The following CTNND2 variants were observed in gnomAD, a reference collection of about 807,000 sequenced individuals.
CTNND2 encodes the protein catenin delta-2.
Under a neutral mutation model 144.4 loss-of-function variants are expected in CTNND2, and 22 were observed. That is an observed-to-expected ratio of 0.15 (90% CI 0.11 to 0.22). The LOEUF is 0.22. Among genes scored for constraint, CTNND2 ranks in the 10% least tolerant of loss-of-function variants. The probability of loss-of-function intolerance (pLI) is 1.00; values close to 1 mark genes in which losing one functional copy is unlikely to be tolerated. For synonymous variants in CTNND2, 751 were observed against 695.6 expected (o/e 1.08, Z -1.25); for missense variants, 1,353 against 1,618.8 (o/e 0.84, Z 2.82).
chr5:11,867,978 C>T (rs1419627158), intron 1 of CTNND2, among the ~76,000 whole-genome samples: 1 of 151,778 alleles, frequency 6.6e-6, no homozygotes, highest in African/African-American at 2.4e-5. Context: ...CCCTACACTT[C>T]ACCTCAGTGC....
At position 11,763,064 on chromosome 5, in the gene CTNND2, T is replaced by A. The variant is rs1167780656; in HGVS notation, c.38-30792A>T. On this transcript the variant is annotated intron_variant, in intron 1 of 21. Coordinates refer to ENST00000304623, the MANE Select transcript of CTNND2 (RefSeq NM_001332.4). ...CTGTTCTCATGACAGTGAGTTCTCA[T>A]GAGACCTGGTTGTTTAAAAATGTGT... Among the ~76,000 whole-genome samples the A allele has an allele frequency of 6.6e-5, 10 of 152,252 alleles. No individual in the cohort carries two copies. In the East Asian group the frequency reaches 1.7e-3, roughly 27 times the overall value.
At chr5:10,987,663 T>G (rs1375802623) in intron 20 of CTNND2, among the ~76,000 whole-genome samples, 1 of 13,190 alleles carries the variant, frequency 7.6e-5, no homozygotes, top group African/African-American at 2.9e-4. Flanking sequence ...CCCTCCCCAC[T>G]CCCCTCTCCT....
chr5:11,496,925 G>T (rs1336990596), intron 3 of CTNND2, among the ~76,000 whole-genome samples: 3 of 152,156 alleles, frequency 2.0e-5, no homozygotes, highest in Non-Finnish European at 4.4e-5. Context: ...AAGAGAGCCA[G>T]CCCCTCCTGA....
At chr5:11,033,640 C>A (rs1280301799) in intron 16 of CTNND2, among the ~76,000 whole-genome samples, 1 of 151,984 alleles carries the variant, frequency 6.6e-6, no homozygotes, top group African/African-American at 2.4e-5. Context: ...ACCAGCTTGG[C>A]CAACATGGTG....
intron 9 of CTNND2, among the ~76,000 whole-genome samples, chr5:11,338,380 C>A (rs1435013821): frequency 6.9e-6 from 1 of 144,584 alleles, no homozygotes; most frequent in African/African-American, 2.6e-5. Context: ...GGGTTGTCAG[C>A]TCTTGGGCCA....
chr5:11,330,206 T>C (rs1368103875), intron 9 of CTNND2, among the ~76,000 whole-genome samples: 1 of 151,004 alleles, frequency 6.6e-6, no homozygotes, highest in Non-Finnish European at 1.5e-5. Context: ...GCACGGTGGC[T>C]CACACCTGTA....
intron 1 of CTNND2, among the ~76,000 whole-genome samples, chr5:11,811,699 A>G (rs1174452640): frequency 1.3e-5 from 2 of 152,106 alleles, no homozygotes; most frequent in Non-Finnish European, 2.9e-5. Context: ...CAGAACAACT[A>G]TACATGAAGT....
intron 16 of CTNND2, among the ~76,000 whole-genome samples, chr5:11,060,049 T>A (rs1220692471): frequency 6.6e-6 from 1 of 152,184 alleles, no homozygotes; most frequent in Non-Finnish European, 1.5e-5. Flanking sequence ...GATTTATAAC[T>A]TCTGGGAGCA....
intron 16 of CTNND2, among the ~76,000 whole-genome samples, chr5:11,033,844 A>G (rs1226485800): frequency 1.3e-5 from 2 of 152,160 alleles, no homozygotes; most frequent in Non-Finnish European, 2.9e-5. Flanking sequence ...AACAGCAACA[A>G]CAACAACAAC....
chr5:11,548,918 T>G (rs551117034), intron 3 of CTNND2, among the ~76,000 whole-genome samples: 18 of 152,368 alleles, frequency 1.2e-4, no homozygotes, highest in South Asian at 4.1e-4. Context: ...TCCTCTGGAA[T>G]GCTAGTTCAT....
chr5:11,350,608 T>C (rs1459053214), intron 8 of CTNND2, among the ~76,000 whole-genome samples: 3 of 152,138 alleles, frequency 2.0e-5, no homozygotes, highest in Non-Finnish European at 2.9e-5. Flanking sequence ...ATAAAACAGC[T>C]GATGAAAATT....
intron 1 of CTNND2, among the ~76,000 whole-genome samples, chr5:11,871,992 T>A (rs112908389): frequency 2.0e-5 from 3 of 152,130 alleles, no homozygotes; most frequent in African/African-American, 7.2e-5. Flanking sequence ...CATCAACCTG[T>A]CATCTACATT....
chr5:11,611,607 G>A (rs998636187), intron 2 of CTNND2, among the ~76,000 whole-genome samples: 1 of 151,926 alleles, frequency 6.6e-6, no homozygotes. Flanking sequence ...GTGAAACCCC[G>A]ACTCTAATAC....
chr5:11,328,289 C>CTTTT (rs747493685), intron 9 of CTNND2, among the ~76,000 whole-genome samples: 1 of 135,800 alleles, frequency 7.4e-6, no homozygotes, highest in South Asian at 2.4e-4. Flanking sequence ...ACACAAAATT[C>CTTTT]TTTTTTTTTT....
At chr5:11,781,490 C>CT (rs2126848892) in intron 1 of CTNND2, among the ~76,000 whole-genome samples, 1 of 152,216 alleles carries the variant, frequency 6.6e-6, no homozygotes, top group African/African-American at 2.4e-5. Flanking sequence ...CTGACTTTTG[C>CT]TTTTTATTGC....
At chr5:11,309,702 G>C (rs112476314) in intron 9 of CTNND2, among the ~76,000 whole-genome samples, 262 of 152,268 alleles carry the variant, frequency 1.7e-3, no homozygotes, top group African/African-American at 6.0e-3. Context: ...ATGTGAGAAG[G>C]ACATGAGATT....
intron 1 of CTNND2, among the ~76,000 whole-genome samples, chr5:11,804,202 A>G (rs1791870452): frequency 6.6e-6 from 1 of 152,198 alleles, no homozygotes; most frequent in Admixed American, 6.5e-5. Flanking sequence ...TGACAGTAAC[A>G]GTTACTGTCG....
chr5:11,765,393 C>G (rs945585242), intron 1 of CTNND2, among the ~76,000 whole-genome samples: 1 of 152,026 alleles, frequency 6.6e-6, no homozygotes, highest in African/African-American at 2.4e-5. Context: ...CAGCAAGGTT[C>G]CAGGCTGCCA....
chr5:11,586,097 G>C (rs1385063471), intron 2 of CTNND2, among the ~76,000 whole-genome samples: 1 of 152,060 alleles, frequency 6.6e-6, no homozygotes, highest in Admixed American at 6.6e-5. Flanking sequence ...ATTTTCATAG[G>C]ATTCCTTTGC....
Sources: gnomAD v4.1 joint callset for allele counts (sites outside exome capture counted in the v4.1 genomes callset) on GRCh38, gnomAD v4.1.1 for gene constraint, MANE v1.5 for transcripts, NCBI Gene and HGNC (gene_info 2026-07-23, HGNC 2026-07-21) for gene names.